Variants in VGLL3 observed in about 807,000 individuals in gnomAD.
VGLL3 encodes the protein vestigial like family member 3, also known as transcription cofactor vestigial-like protein 3.
VGLL3 carries 18 observed loss-of-function variants against 29.2 expected under a neutral mutation model. The observed-to-expected ratio is 0.62, with a 90% CI of 0.43 to 0.91. VGLL3 has a LOEUF of 0.91. Ranked by LOEUF, VGLL3 falls within the 40% of genes least tolerant of loss-of-function variation. The pLI is 0.00. For synonymous variants in VGLL3, 180 were observed against 151.8 expected (o/e 1.19, Z -1.36); for missense variants, 440 against 413.2 (o/e 1.06, Z -0.56).
intron 3 of VGLL3, among the ~76,000 whole-genome samples, chr3:86,960,076 A>C (rs1431103457): frequency 6.6e-6 from 1 of 152,070 alleles, no homozygotes; most frequent in Non-Finnish European, 1.5e-5. Context: ...TAATTAATAG[A>C]TTTCATTATA....
chr3:86,968,554 A>T (rs1705011324), intron 3 of VGLL3, 36 bp downstream of exon 3: 1 of 1,556,026 alleles, frequency 6.4e-7, no homozygotes, highest in African/African-American at 1.4e-5. Flanking sequence ...AATTAACTTT[A>T]TCTTGTTATA....
chr3:86,982,921 C>G (rs980054195), intron 1 of VGLL3, among the ~76,000 whole-genome samples: 13 of 152,238 alleles, frequency 8.5e-5, no homozygotes, highest in African/African-American at 3.1e-4. Flanking sequence ...AAAGCTAACT[C>G]ACAAAGAGGT....
At chr3:86,956,307 A>T (rs1704721609) in intron 3 of VGLL3, among the ~76,000 whole-genome samples, 1 of 152,196 alleles carries the variant, frequency 6.6e-6, no homozygotes, top group Admixed American at 6.5e-5. Flanking sequence ...CTCTATTGAG[A>T]GTCATATCAG....
chr3:86,984,674 A>T (rs1705398937), intron 1 of VGLL3, among the ~76,000 whole-genome samples: 1 of 152,156 alleles, frequency 6.6e-6, no homozygotes, highest in Non-Finnish European at 1.5e-5. Flanking sequence ...TAATTTATCC[A>T]TTATTCATTA....
rs760227296 is a variant in VGLL3 at position 86,943,670 on chromosome 3, A to T, written c.*3354T>A. On this transcript the variant is annotated 3_prime_UTR_variant, in exon 4 of 4. Coordinates refer to ENST00000398399, the MANE Select transcript of VGLL3 (RefSeq NM_016206.4). ...AAAAAGGAGAGCAAATAGAGGGGAA[A>T]GTTAAGAGAGGGTGCTTAACTTTCT... 5 of 152,178 alleles carry T rather than the reference A, an allele frequency of 3.3e-5. No homozygotes were observed. The highest frequency in any genetic ancestry group is 5.9e-5 in the Non-Finnish European group (4 of 68,034). The allele number at this position is 152,178 out of a possible 1,614,324, so 9.4% of individuals were successfully genotyped here.
chr3:86,943,745 T>C lies in VGLL3; in HGVS notation c.*3279A>G, dbSNP rs927152883. The C allele has an allele frequency of 4.6e-5, 7 of 152,150 alleles. No homozygotes were observed. The highest frequency in any genetic ancestry group is 2.0e-4 in the Admixed American group (3 of 15,278). The allele number at this position is 152,150 out of a possible 1,614,324, so 9.4% of individuals were successfully genotyped here. A position where few individuals can be genotyped will look rare whatever the true frequency, so the allele number is the denominator to read the frequency against. Reference sequence around the variant, plus strand: ...AAGTTTAGAGGCTCTTTCAAATTAATAATGAGAGACAAAATAATCTGTTAG... The same window carrying C: ...AAGTTTAGAGGCTCTTTCAAATTAACAATGAGAGACAAAATAATCTGTTAG... On this transcript the variant is annotated 3_prime_UTR_variant, in exon 4 of 4. Transcript: ENST00000398399.
chr3:86,956,437 C>A (rs1704723512), intron 3 of VGLL3, among the ~76,000 whole-genome samples: 1 of 152,182 alleles, frequency 6.6e-6, no homozygotes, highest in South Asian at 2.1e-4. Flanking sequence ...GATGACAACT[C>A]CTTTAAGAAA....
Position 86,946,925 on chromosome 3 carries a change from C to T in VGLL3, c.*99G>A. 1 of 744,210 alleles carries T rather than the reference C, an allele frequency of 1.3e-6. No homozygotes were observed. Among genetic ancestry groups the T allele is most frequent in the South Asian group, 1.5e-5 (1 of 67,730 alleles). The allele number at this position is 744,210 out of a possible 1,614,324, so 46.1% of individuals were successfully genotyped here. A position where few individuals can be genotyped will look rare whatever the true frequency, so the allele number is the denominator to read the frequency against. On this transcript the variant is annotated 3_prime_UTR_variant, in exon 4 of 4. Coordinates refer to ENST00000398399, the MANE Select transcript of VGLL3 (RefSeq NM_016206.4). The stretch of plus-strand genomic sequence containing the variant: ...TGACACTTTGTCTTCTCCTTCTATG[C>T]CTTTCGTGTCCTATTGCTGAATGGA...
intron 2 of VGLL3, among the ~76,000 whole-genome samples, chr3:86,978,054 C>A (rs968769650): frequency 2.0e-5 from 3 of 152,154 alleles, no homozygotes; most frequent in East Asian, 1.9e-4. Flanking sequence ...AATACAATAA[C>A]AAATCAGGAT....
chr3:86,962,650 T>G, intron 3 of VGLL3: 5 of 889,054 alleles, frequency 5.6e-6, no homozygotes, highest in Non-Finnish European at 6.7e-6. Context: ...AAATAAAAAG[T>G]GAGGTTCTCT....
intron 1 of VGLL3, among the ~76,000 whole-genome samples, chr3:86,987,073 T>C (rs1705457930): frequency 6.6e-6 from 1 of 152,168 alleles, no homozygotes; most frequent in Admixed American, 6.5e-5. Flanking sequence ...TTCATGTCAT[T>C]GTACAAAGAT....
chr3:86,941,672 CA>C lies in VGLL3; in HGVS notation c.*5351del, dbSNP rs1704400348. The C allele has an allele frequency of 6.6e-6, 1 of 150,984 alleles. No homozygotes were observed. Among genetic ancestry groups the C allele is most frequent in the African/African-American group, 2.4e-5 (1 of 41,106 alleles). The allele number at this position is 150,984 out of a possible 1,614,324, so 9.4% of individuals were successfully genotyped here. A position where few individuals can be genotyped will look rare whatever the true frequency, so the allele number is the denominator to read the frequency against. ...TTAAAACTATAAAAGTATTTTTAAA[CA>C]AAAAAGCACAATAGACAATAAAAGA... On this transcript the variant is annotated 3_prime_UTR_variant, in exon 4 of 4. Transcript: ENST00000398399.
chr3:86,975,961 A>G (rs1219872190), intron 2 of VGLL3, among the ~76,000 whole-genome samples: 1 of 152,106 alleles, frequency 6.6e-6, no homozygotes, highest in Non-Finnish European at 1.5e-5. Context: ...AAAAAATACA[A>G]AAATTAGCTG....
intron 3 of VGLL3, among the ~76,000 whole-genome samples, chr3:86,954,908 A>AAAAAAAAAAAAAAAT (rs1337972598): frequency 6.6e-6 from 1 of 152,118 alleles, no homozygotes; most frequent in East Asian, 1.9e-4. Context: ...AAACCAAAAA[A>AAAAAAAAAAAAAAAT]AAAAAAGCTT....
chr3:86,948,710 T>C (rs1704554478), intron 3 of VGLL3, among the ~76,000 whole-genome samples: 1 of 152,194 alleles, frequency 6.6e-6, no homozygotes, highest in East Asian at 1.9e-4. Context: ...TCCACCTTTT[T>C]CTTTTTACCA....
intron 1 of VGLL3, 177 bp downstream of exon 1, chr3:86,990,441 A>C (rs978747911): frequency 1.0e-6 from 1 of 977,772 alleles, no homozygotes; most frequent in African/African-American, 1.8e-5. Context: ...CCACCCGTCC[A>C]CCCTGCTGCT....
At chr3:86,958,437 T>C (rs916764217) in intron 3 of VGLL3, among the ~76,000 whole-genome samples, 1 of 152,234 alleles carries the variant, frequency 6.6e-6, no homozygotes, top group African/African-American at 2.4e-5. Flanking sequence ...TTTGTATTAT[T>C]ATGCAAGCAC....
intron 2 of VGLL3, among the ~76,000 whole-genome samples, chr3:86,976,645 T>C (rs1705216610): frequency 6.6e-6 from 1 of 152,226 alleles, no homozygotes; most frequent in African/African-American, 2.4e-5. Flanking sequence ...TGTAATGTGT[T>C]TTGCAAATTA....
At chr3:86,984,015 T>G (rs1192863292) in intron 1 of VGLL3, among the ~76,000 whole-genome samples, 1 of 152,184 alleles carries the variant, frequency 6.6e-6, no homozygotes, top group African/African-American at 2.4e-5. Flanking sequence ...GATATTTATT[T>G]TAACTGAATA....
Sources: allele counts gnomAD v4.1 joint callset (sites outside exome capture counted in the v4.1 genomes callset), GRCh38; gene constraint gnomAD v4.1.1; transcripts MANE v1.5; gene names NCBI Gene and HGNC (gene_info 2026-07-23, HGNC 2026-07-21).